Variants in PROM1 observed in about 807,000 individuals in gnomAD.
PROM1 encodes the protein prominin-1.
In PROM1, 105 loss-of-function variants were observed where a neutral mutation model predicts 116.9. The ratio of observed to expected loss-of-function variants is 0.90; its 90% CI spans 0.77 to 1.06. The LOEUF (loss-of-function observed/expected upper bound fraction) is 1.06, where lower values mean the gene tolerates loss of function less well. Ranked by LOEUF, PROM1 falls within the 50% of genes least tolerant of loss-of-function variation. The probability of loss-of-function intolerance (pLI) is 0.00; values close to 1 mark genes in which losing one functional copy is unlikely to be tolerated. For missense variants in PROM1, 1,122 were observed against 1,045.2 expected, an observed-to-expected ratio of 1.07 and a Z score of -1.01; for synonymous variants, 393 against 387.0, an observed-to-expected ratio of 1.02 and a Z score of -0.18.
intron 26 of PROM1, among the ~76,000 whole-genome samples, chr4:15,975,695 T>C (rs981614381): frequency 2.1e-4 from 32 of 152,216 alleles, no homozygotes; most frequent in African/African-American, 7.5e-4. Flanking sequence ...CCCTAGAGTT[T>C]CTGGGATGTC....
chr4:16,076,723 A>C (rs2149590506), intron 1 of PROM1: 1 of 155,766 alleles, frequency 6.4e-6, no homozygotes, highest in East Asian at 1.9e-4. Context: ...GACATAGGAG[A>C]CTCCATTTTG....
Position 15,992,270 on chromosome 4 carries a change from T to A in PROM1, c.1889A>T (p.Asn630Ile). Residue 630 changes from asparagine (N) to isoleucine (I), a missense_variant, in exon 17 of 28, where the codon AAT (asparagine) becomes ATT (isoleucine). By Grantham distance (149) the Asn-to-Ile change is moderately radical (BLOSUM62 -3). Transcript: ENST00000447510. The part of the protein sequence containing the change: ...DFAACGIDRM[N>I]YDSYLAQTGK... ...TACCTGAGCCAAGTAGCTGTCATAATTCATTCTGTCTATTCCACAAGCAGC... is the reference window on the plus strand; with the variant it reads ...TACCTGAGCCAAGTAGCTGTCATAAATCATTCTGTCTATTCCACAAGCAGC... The A allele has an allele frequency of 6.2e-7, 1 of 1,613,938 alleles. No homozygotes were observed. The highest frequency in any genetic ancestry group is 8.5e-7 in the Non-Finnish European group (1 of 1,179,850).
chr4:16,022,983 C>T (rs1022497647), intron 8 of PROM1, among the ~76,000 whole-genome samples: 11 of 152,154 alleles, frequency 7.2e-5, no homozygotes, highest in African/African-American at 2.7e-4. Flanking sequence ...TATGTCTCTT[C>T]CAACGACTCA....
At chr4:16,025,075 A>T in intron 6 of PROM1, 117 bp downstream of exon 6, 1 of 1,247,892 alleles carries the variant, frequency 8.0e-7, no homozygotes, top group Non-Finnish European at 1.1e-6. Flanking sequence ...AGATAACACC[A>T]GTCTACGCTG....
At chr4:15,973,852 CCT>C (rs1715326515) in intron 26 of PROM1, among the ~76,000 whole-genome samples, 1 of 152,114 alleles carries the variant, frequency 6.6e-6, no homozygotes, top group South Asian at 2.1e-4. Flanking sequence ...CCTACACGTC[CCT>C]GAGTCTATCT....
intron 26 of PROM1, among the ~76,000 whole-genome samples, chr4:15,977,040 C>T (rs1275262317): frequency 2.6e-5 from 4 of 152,232 alleles, no homozygotes; most frequent in African/African-American, 9.6e-5. Flanking sequence ...TGATCCAGAG[C>T]TCCTGCCTAG....
At chr4:15,994,125 T>C in intron 15 of PROM1, 54 bp from the exon 16 acceptor site, 1 of 1,608,890 alleles carries the variant, frequency 6.2e-7, no homozygotes, top group South Asian at 1.1e-5. Context: ...CAGCTACCTC[T>C]GTCCACCACT....
chr4:16,060,720 T>C (rs1250746613), intron 2 of PROM1, among the ~76,000 whole-genome samples: 1 of 152,240 alleles, frequency 6.6e-6, no homozygotes, highest in Non-Finnish European at 1.5e-5. Flanking sequence ...TAATTACCTC[T>C]GGAGAGTGAA....
At chr4:16,025,111 A>T in intron 6 of PROM1, 81 bp downstream of exon 6, 1 of 1,474,876 alleles carries the variant, frequency 6.8e-7, no homozygotes, top group Non-Finnish European at 9.3e-7. Context: ...AGAAGGTTTG[A>T]TTGAGATTCC....
chr4:16,076,347 G>C (rs1468484291), intron 1 of PROM1: 2 of 168,086 alleles, frequency 1.2e-5, no homozygotes, highest in Non-Finnish European at 2.6e-5. Flanking sequence ...TCAGAACACA[G>C]ACCCTTTATG....
intron 26 of PROM1, 116 bp from the exon 27 acceptor site, chr4:15,971,198 A>G (rs1404160015): frequency 1.3e-6 from 1 of 772,434 alleles, no homozygotes; most frequent in Non-Finnish European, 2.0e-6. Context: ...TATAAACCAC[A>G]CCTCATAAAG....
chr4:16,003,084 C>T (rs1353311460), intron 13 of PROM1, among the ~76,000 whole-genome samples: 1 of 151,976 alleles, frequency 6.6e-6, no homozygotes, highest in Non-Finnish European at 1.5e-5. Context: ...CCCTGATTTG[C>T]ACAGTTAGGA....
chr4:15,977,091 C>CT (rs201330631), intron 26 of PROM1, among the ~76,000 whole-genome samples: 1,874 of 152,280 alleles, frequency 0.012, 8 homozygotes, highest in Non-Finnish European at 0.019. Context: ...ACTTCTCCCC[C>CT]TTTTTTTCAC....
chr4:16,055,193 T>C (rs1411342503), intron 2 of PROM1: 1 of 309,024 alleles, frequency 3.2e-6, no homozygotes, highest in Admixed American at 3.9e-5. Flanking sequence ...TAGGCAAGAC[T>C]ATTTTCCTTG....
In PROM1 at chr4:15,986,421, T is replaced by A. The variant is rs1413251681; in HGVS notation, c.2131-384A>T. On this transcript the variant is annotated intron_variant, in intron 20 of 27. Transcript: ENST00000447510. ...GATTTGCACCGAACTTTTTTTTTTT[T>A]CACTACAAAACCCATAGTCTTTGCA... 3.3e-5 allele frequency among the ~76,000 whole-genome samples: 5 copies of A among 152,174 alleles called. No individual in the cohort carries two copies. The South Asian group carries it at 1.0e-3, about 32-fold the overall frequency.
In PROM1 at chr4:16,019,587, G is replaced by A. The variant is rs190002745; in HGVS notation, c.785-1047C>T. ...GCTATCCTGATCTATCTGGATGATG[G>A]AGCTACCTATACATGACTAGGGAGG... is the stretch of plus-strand genomic sequence containing the variant. On this transcript the variant is annotated intron_variant, in intron 8 of 27. Transcript: ENST00000447510. Among the ~76,000 whole-genome samples the A allele has an allele frequency of 2.0e-5, 3 of 152,334 alleles. No individual in the cohort carries two copies. The East Asian group carries it at 5.8e-4, about 29-fold the overall frequency.
chr4:16,002,782 T>C (rs188146386), intron 13 of PROM1, among the ~76,000 whole-genome samples: 30 of 152,260 alleles, frequency 2.0e-4, no homozygotes, highest in Admixed American at 7.8e-4. Context: ...TGACTCTTAC[T>C]CTAAATCGCA....
intron 2 of PROM1, among the ~76,000 whole-genome samples, chr4:16,040,031 T>C (rs1404248885): frequency 3.9e-5 from 6 of 152,130 alleles, no homozygotes; most frequent in Non-Finnish European, 7.4e-5. Context: ...TCCCGCCACC[T>C]GTACACTCTC....
At chr4:16,047,005 A>G (rs931973278) in intron 2 of PROM1, among the ~76,000 whole-genome samples, 1 of 152,176 alleles carries the variant, frequency 6.6e-6, no homozygotes, top group Non-Finnish European at 1.5e-5. Flanking sequence ...ACAGTAATAT[A>G]GATATTCAGA....
Sources: allele counts gnomAD v4.1 joint callset (sites outside exome capture counted in the v4.1 genomes callset), GRCh38; gene constraint gnomAD v4.1.1; transcripts MANE v1.5; gene names NCBI Gene and HGNC (gene_info 2026-07-23, HGNC 2026-07-21).